The following TBCD variants were observed in gnomAD, a reference collection of about 807,000 sequenced individuals.
TBCD encodes tubulin folding cofactor D, also known as tubulin-specific chaperone D.
TBCD carries 105 observed loss-of-function variants against 169.3 expected under a neutral mutation model. That is an observed-to-expected ratio of 0.62 (90% CI 0.53 to 0.73). The LOEUF (loss-of-function observed/expected upper bound fraction) is 0.73. TBCD is among the 30% of genes least tolerant of loss of function. The probability of loss-of-function intolerance (pLI) is 0.00; values close to 1 mark genes in which losing one functional copy is unlikely to be tolerated. For synonymous variants in TBCD, 700 were observed against 643.9 expected (o/e 1.09, Z -1.32); for missense variants, 1,444 against 1,600.1 (o/e 0.90, Z 1.66).
At chr17:82,778,528 A>G (rs2048741559) in intron 6 of TBCD, among the ~76,000 whole-genome samples, 1 of 151,116 alleles carries the variant, frequency 6.6e-6, no homozygotes, top group African/African-American at 2.4e-5. Flanking sequence ...GCGTGATCAC[A>G]GTTTACTGCA....
rs887716663 is a variant in TBCD at position 82,828,687 on chromosome 17, TGTGCA to T, written c.1318+13754_1318+13758del. ...ACACATGCACACCCACAGAATCGAG[TGTGCA>T]CACACCCATACATAATGCGCATGCA... On this transcript the variant is annotated intron_variant, in intron 13 of 38. Coordinates refer to ENST00000355528, the MANE Select transcript of TBCD (RefSeq NM_005993.5). 2.0e-4 allele frequency among the ~76,000 whole-genome samples: 30 copies of T among 146,562 alleles called. 1 individual carries two copies. Among genetic ancestry groups the T allele is most frequent in the African/African-American group, 7.1e-4 (28 of 39,304 alleles).
At chr17:82,818,275 T>C (rs1659515109) in intron 13 of TBCD, among the ~76,000 whole-genome samples, 1 of 152,220 alleles carries the variant, frequency 6.6e-6, no homozygotes, top group Non-Finnish European at 1.5e-5. Context: ...CCCCATTCTG[T>C]TCCTGGTGGG....
In TBCD at chr17:82,905,981, T is replaced by A; in HGVS notation, c.1850T>A (p.Met617Lys). The A allele has an allele frequency of 6.2e-7, 1 of 1,608,076 alleles. No homozygotes were observed. Among genetic ancestry groups the A allele is most frequent in the African/African-American group, 1.3e-5 (1 of 74,790 alleles). Residue 617 changes from methionine (M) to lysine (K), a missense_variant, in exon 20 of 39, where the codon ATG becomes AAG. Coordinates refer to ENST00000355528, the MANE Select transcript of TBCD (RefSeq NM_005993.5). ...LSMTLSPDLH[M>K]RHGSILACAE... ...ATGACACTGAGTCCAGATCTTCACA[T>A]GAGGCATGGGTCGATTCTCGCCTGC...
chr17:82,809,617 G>A, intron 11 of TBCD, 91 bp from the exon 12 acceptor site: 1 of 1,358,256 alleles, frequency 7.4e-7, no homozygotes, highest in South Asian at 1.3e-5. Flanking sequence ...CTGGAGGAAA[G>A]GATGGGTGTT....
chr17:82,903,081 G>A lies in TBCD; in HGVS notation c.1731-324G>A, dbSNP rs924241604. Reference sequence around the variant, plus strand: ...TGTAATCGTGGAGGGGTGGTTTCACGTGGCTCTATCTCACACTCACAACCT... The same window carrying A: ...TGTAATCGTGGAGGGGTGGTTTCACATGGCTCTATCTCACACTCACAACCT... On this transcript the variant is annotated intron_variant, in intron 18 of 38. Coordinates refer to ENST00000355528, the MANE Select transcript of TBCD (RefSeq NM_005993.5). This position sits in a 1 kb window ranked among gnomAD's most constrained non-coding sequence, Gnocchi z 4.8. Among the ~76,000 whole-genome samples, 9 of 152,158 alleles carry A rather than the reference G, an allele frequency of 5.9e-5. No homozygotes were observed. Among genetic ancestry groups the A allele is most frequent in the Non-Finnish European group, 1.3e-4 (9 of 68,032 alleles).
In TBCD at chr17:82,789,957, G is replaced by A. The variant is rs1044699932; in HGVS notation, c.772-7800G>A. Reference sequence around the variant, plus strand: ...CAGGAGCCGGGCTCATCCCCGAGACGCCGTGTTCCCTCCCGCTGTCCGCTC... The same window carrying A: ...CAGGAGCCGGGCTCATCCCCGAGACACCGTGTTCCCTCCCGCTGTCCGCTC... On this transcript the variant is annotated intron_variant, in intron 7 of 38. Transcript: ENST00000355528. This position sits in a 1 kb window ranked among gnomAD's most constrained non-coding sequence, Gnocchi z 4.8. Among the ~76,000 whole-genome samples the A allele has an allele frequency of 1.3e-5, 2 of 152,178 alleles. No individual in the cohort carries two copies. Among genetic ancestry groups the A allele is most frequent in the African/African-American group, 2.4e-5 (1 of 41,454 alleles).
intron 17 of TBCD, among the ~76,000 whole-genome samples, chr17:82,896,799 C>T (rs986207147): frequency 3.9e-5 from 6 of 152,096 alleles, no homozygotes; most frequent in East Asian, 3.9e-4. Context: ...TGGCTTTCGG[C>T]GTGATGGTGC....
rs189845633 is a variant in TBCD at position 82,823,801 on chromosome 17, A to C, written c.1318+8867A>C. The stretch of plus-strand genomic sequence containing the variant: ...AATTGTGGCAAAATATGTATAACAA[A>C]TTTGCTCTTTTTATTATTAAGCATG... On this transcript the variant is annotated intron_variant, in intron 13 of 38. Coordinates refer to ENST00000355528, the MANE Select transcript of TBCD (RefSeq NM_005993.5). Among the ~76,000 whole-genome samples the C allele has an allele frequency of 1.4e-3, 217 of 152,176 alleles. 9 individuals carry two copies. In the East Asian group the frequency reaches 0.035, roughly 24 times the overall value.
At chr17:82,829,159 G>C (rs563875710) in intron 13 of TBCD, among the ~76,000 whole-genome samples, 234 of 148,234 alleles carry the variant, frequency 1.6e-3, no homozygotes, top group African/African-American at 5.6e-3. Context: ...GCACACACCC[G>C]CAGAGATGCA....
intron 7 of TBCD, among the ~76,000 whole-genome samples, chr17:82,790,215 C>T (rs1028650575): frequency 6.6e-6 from 1 of 152,184 alleles, no homozygotes; most frequent in Non-Finnish European, 1.5e-5. Flanking sequence ...ACCCTCCCGC[C>T]TCTCCTGTGG....
chr17:82,760,455 C>CT (rs929181475), intron 2 of TBCD, among the ~76,000 whole-genome samples: 2 of 151,794 alleles, frequency 1.3e-5, no homozygotes, highest in Non-Finnish European at 2.9e-5. Context: ...TTCCTGGAGA[C>CT]TTTTTTTTAG....
Position 82,880,234 on chromosome 17 carries a change from A to T in TBCD, c.1476-3911A>T, listed in dbSNP as rs191365450. Among the ~76,000 whole-genome samples the T allele has an allele frequency of 5.1e-4, 78 of 152,140 alleles. No individual in the cohort carries two copies. The highest frequency in any genetic ancestry group is 5.3e-4 in the Non-Finnish European group (36 of 67,996). On this transcript the variant is annotated intron_variant, in intron 14 of 38. Coordinates refer to ENST00000355528, the MANE Select transcript of TBCD (RefSeq NM_005993.5). This position sits in a 1 kb window ranked among gnomAD's most constrained non-coding sequence, Gnocchi z 5.0. ...TCGCTGTGTTGCCCAGACTGTACTC[A>T]AATTCCTGGGCTCAAGGGATCCTCC...
At position 82,807,629 on chromosome 17, in the gene TBCD, A is replaced by G; in HGVS notation, c.1109A>G (p.Lys370Arg). The part of the protein sequence containing the change: ...RVIEQLLVGL[K>R]DKDTVVRWSA... Reference sequence around the variant, plus strand: ...ACAGAGCAGCTGCTGGTCGGGCTGAAGGACAAGGACACGGTCGTGCGGTGG... The same window carrying G: ...ACAGAGCAGCTGCTGGTCGGGCTGAGGGACAAGGACACGGTCGTGCGGTGG... Residue 370 changes from lysine (K) to arginine (R), a missense_variant, in exon 11 of 39, where the codon AAG (lysine) becomes AGG (arginine). Physicochemically the swap from Lys to Arg is conservative, Grantham distance 26. Coordinates refer to ENST00000355528, the MANE Select transcript of TBCD (RefSeq NM_005993.5). 6.4e-7 allele frequency: 1 copy of G among 1,552,838 alleles called. No individual in the cohort carries two copies. Among genetic ancestry groups the G allele is most frequent in the Admixed American group, 1.9e-5 (1 of 51,516 alleles).
At position 82,923,783 on chromosome 17, in the gene TBCD, G is replaced by T; in HGVS notation, c.2260+50G>T. The T allele has an allele frequency of 6.7e-7, 1 of 1,490,094 alleles. No homozygotes were observed. The highest frequency in any genetic ancestry group is 9.1e-7 in the Non-Finnish European group (1 of 1,097,814). The allele number at this position is 1,490,094 out of a possible 1,614,324, so 92.3% of individuals were successfully genotyped here. A position where few individuals can be genotyped will look rare whatever the true frequency, so the allele number is the denominator to read the frequency against. ...AGACTCCAGGGGCTTCCAGCAGGAA[G>T]CTGCTGGGGAGTGTCTGGGCACGGA... On this transcript the variant is annotated intron_variant, in intron 26 of 38. Coordinates refer to ENST00000355528, the MANE Select transcript of TBCD (RefSeq NM_005993.5). This position sits in a 1 kb window ranked among gnomAD's most constrained non-coding sequence, Gnocchi z 4.6.
intron 9 of TBCD, among the ~76,000 whole-genome samples, chr17:82,804,790 G>A (rs965745527): frequency 3.3e-5 from 5 of 152,346 alleles, no homozygotes; most frequent in South Asian, 2.1e-4. Flanking sequence ...GCCACACCCC[G>A]TGTGAGAGGA....
Position 82,789,591 on chromosome 17 carries a change from C to T in TBCD, c.771+7870C>T, listed in dbSNP as rs966409920. On this transcript the variant is annotated intron_variant, in intron 7 of 38. Coordinates refer to ENST00000355528, the MANE Select transcript of TBCD (RefSeq NM_005993.5). This position sits in a 1 kb window ranked among gnomAD's most constrained non-coding sequence, Gnocchi z 4.8. ...CCCTGTGCAGGTTGGGGTGCCCCTGCCCTCTCCCCTGCCCCGCCCTCACCT... is the reference window on the plus strand; with the variant it reads ...CCCTGTGCAGGTTGGGGTGCCCCTGTCCTCTCCCCTGCCCCGCCCTCACCT... 6.6e-6 allele frequency among the ~76,000 whole-genome samples: 1 copy of T among 152,160 alleles called. No homozygotes were observed. Among genetic ancestry groups the T allele is most frequent in the Admixed American group, 6.5e-5 (1 of 15,286 alleles).
At chr17:82,940,211 TTGCACG>T (rs1390473894) in intron 37 of TBCD, among the ~76,000 whole-genome samples, 1 of 115,862 alleles carries the variant, frequency 8.6e-6, no homozygotes, top group East Asian at 3.1e-4. Context: ...ACATGCTCAC[TTGCACG>T]CGCGCACACA....
At chr17:82,862,074 C>T (rs972837114) in intron 13 of TBCD, among the ~76,000 whole-genome samples, 3 of 152,104 alleles carry the variant, frequency 2.0e-5, no homozygotes, top group Non-Finnish European at 4.4e-5. Context: ...AGGCGCCCGC[C>T]ACCTTGCCCG....
Position 82,923,989 on chromosome 17 carries a change from C to G in TBCD, c.2260+256C>G, listed in dbSNP as rs911099159. Among the ~76,000 whole-genome samples, 1 of 152,160 alleles carries G rather than the reference C, an allele frequency of 6.6e-6. No homozygotes were observed. Among genetic ancestry groups the G allele is most frequent in the African/African-American group, 2.4e-5 (1 of 41,432 alleles). ...TCTCTGTTGACGGCACCCTCTTGCTCCATCACCCAGGCTGGAGTGGTGTGG... is the reference window on the plus strand; with the variant it reads ...TCTCTGTTGACGGCACCCTCTTGCTGCATCACCCAGGCTGGAGTGGTGTGG... On this transcript the variant is annotated intron_variant, in intron 26 of 38. Transcript: ENST00000355528. This position sits in a 1 kb window ranked among gnomAD's most constrained non-coding sequence, Gnocchi z 4.6.
Sources: gnomAD v4.1 joint callset for allele counts (sites outside exome capture counted in the v4.1 genomes callset) on GRCh38, gnomAD v4.1.1 for gene constraint, Gnocchi (gnomAD v3.1) non-coding constraint, MANE v1.5 for transcripts, NCBI Gene and HGNC (gene_info 2026-07-23, HGNC 2026-07-21) for gene names.